Variants in MAST3 observed in about 807,000 individuals in gnomAD.
The protein encoded by MAST3 is microtubule-associated serine/threonine-protein kinase 3.
MAST3 carries 43 observed loss-of-function variants against 127.0 expected under a neutral mutation model. The ratio of observed to expected loss-of-function variants is 0.34; its 90% CI spans 0.27 to 0.44. The LOEUF is 0.44. Among genes scored for constraint, MAST3 ranks in the 20% least tolerant of loss-of-function variants. The pLI is 1.00. For missense variants in MAST3, 1,390 were observed against 1,919.1 expected, an observed-to-expected ratio of 0.72 and a Z score of 5.15; for synonymous variants, 785 against 809.2, an observed-to-expected ratio of 0.97 and a Z score of 0.51.
At chr19:18,119,971 C>T (rs947707560) in intron 3 of MAST3, among the ~76,000 whole-genome samples, 1 of 152,164 alleles carries the variant, frequency 6.6e-6, no homozygotes, top group Non-Finnish European at 1.5e-5. Context: ...GGCTGATGCT[C>T]TTGTGGAGCA....
chr19:18,125,098 C>A (rs1345193624), intron 11 of MAST3, among the ~76,000 whole-genome samples: 1 of 151,058 alleles, frequency 6.6e-6, no homozygotes, highest in African/African-American at 2.5e-5. Flanking sequence ...CAGAGCGAGA[C>A]CCTGTCTCAA....
intron 1 of MAST3, among the ~76,000 whole-genome samples, chr19:18,100,128 C>CTCCTTTTTTTTTTTTTTTTTTTTTTT (rs776661078): frequency 8.2e-6 from 1 of 121,720 alleles, no homozygotes; most frequent in Non-Finnish European, 1.8e-5. Flanking sequence ...CTCTCTCTCT[C>CTCCTTTTTTTTTTTTTTTTTTTTTTT]TTTTTTTTTT....
rs761697269 is a variant in MAST3 at position 18,141,984 on chromosome 19, G to A, written c.2308G>A (p.Asp770Asn). The A allele has an allele frequency of 1.2e-5, 18 of 1,527,676 alleles. No individual in the cohort carries two copies. The highest frequency in any genetic ancestry group is 1.9e-5 in the Admixed American group (1 of 52,488). 94.6% of individuals were successfully genotyped at this position (1,527,676 alleles called of 1,614,324 possible). A position where few individuals can be genotyped will look rare whatever the true frequency, so the allele number is the denominator to read the frequency against. The change falls in exon 21 of 28, where the codon GAC becomes AAC. Residue 770 changes from aspartate (D) to asparagine (N), a missense_variant. By Grantham distance (23) the Asp-to-Asn change is conservative. Coordinates refer to ENST00000687212, the MANE Select transcript of MAST3 (RefSeq NM_001393504.1). ...GGAGGGGTGGGAGCGCAGCGAAGTGGACTATGGCCGCCGGCTGAGTGCTGA... is the reference window on the plus strand; with the variant it reads ...GGAGGGGTGGGAGCGCAGCGAAGTGAACTATGGCCGCCGGCTGAGTGCTGA... ...REEGWERSEVDYGRRLSADIR... is the reference protein window; with the variant it reads ...REEGWERSEVNYGRRLSADIR...
chr19:18,143,488 C>T (rs1022205561), intron 21 of MAST3, among the ~76,000 whole-genome samples: 1 of 152,030 alleles, frequency 6.6e-6, no homozygotes, highest in Non-Finnish European at 1.5e-5. Flanking sequence ...AGGCAGGAGA[C>T]TCACTTGAGC....
In MAST3 at chr19:18,143,976, C is replaced by T; in HGVS notation, c.2553C>T (p.Thr851=). The change falls in exon 22 of 28, where the codon ACC becomes ACT. Residue 851 remains threonine, a synonymous_variant. Transcript: ENST00000687212. ...LGEPDPPPAA[T]PVMPKPSSLS... is the part of the protein sequence containing the mutation. ...AGCCTGACCCCCCACCAGCGGCCAC[C>T]CCAGTGATGCCCAAGCCCTCGAGCC... is the stretch of plus-strand genomic sequence containing the variant. 6.3e-7 allele frequency: 1 copy of T among 1,584,374 alleles called. No homozygotes were observed.
In MAST3 at chr19:18,132,029, G is replaced by T; in HGVS notation, c.1553G>T (p.Arg518Leu). The change falls in exon 15 of 28, where the codon CGT becomes CTT. Residue 518 changes from arginine (R) to leucine (L), a missense_variant. By Grantham distance (102) the Arg-to-Leu change is moderately radical. Transcript: ENST00000687212. ...CTGCATAACTATGGCATCGTGCACC[G>T]TGACCTCAAACCAGACAAGTGAGCT... ...EYLHNYGIVH[R>L]DLKPDNLLIT... The T allele has an allele frequency of 6.2e-7, 1 of 1,614,160 alleles. No individual in the cohort carries two copies. Among genetic ancestry groups the T allele is most frequent in the Non-Finnish European group, 8.5e-7 (1 of 1,180,028 alleles).
At chr19:18,100,185 C>T (rs2037472513) in intron 1 of MAST3, among the ~76,000 whole-genome samples, 2 of 146,680 alleles carry the variant, frequency 1.4e-5, no homozygotes, top group Non-Finnish European at 3.0e-5. Context: ...AGTCCAGTGG[C>T]GCAATCTCGG....
rs549905160 is a variant in MAST3 at position 18,118,009 on chromosome 19, G to T, written c.162-3676G>T. 2.3e-5 allele frequency: 15 copies of T among 644,782 alleles called. No homozygotes were observed. The Admixed American group carries it at 8.2e-4, about 35-fold the overall frequency. The allele number at this position is 644,782 out of a possible 1,614,324, so 39.9% of individuals were successfully genotyped here. A position where few individuals can be genotyped will look rare whatever the true frequency, so the allele number is the denominator to read the frequency against. On this transcript the variant is annotated intron_variant, in intron 3 of 27. Coordinates refer to ENST00000687212, the MANE Select transcript of MAST3 (RefSeq NM_001393504.1). ...CTCGCCTGGGCGGAGTTCCAGTCGC[G>T]CTCGGGGGCGCGCGCTTCCTTCTCG...
intron 15 of MAST3, among the ~76,000 whole-genome samples, chr19:18,132,490 G>A (rs2041429947): frequency 6.6e-6 from 1 of 152,196 alleles, no homozygotes; most frequent in Non-Finnish European, 1.5e-5. Flanking sequence ...TAAAGACAGT[G>A]ACCGTGCATG....
rs182225598 is a variant in MAST3 at position 18,141,908 on chromosome 19, C to T, written c.2232C>T (p.Ala744=). ...TCTACAGCAGCTCTGAGTTCCTGGC[C>T]GTCCAGCCCACTCCTACCTTCGCTG... ...SKVYSSSEFL[A]VQPTPTFAER... Residue 744 remains alanine (A), a synonymous_variant, in exon 21 of 28, where the codon GCC becomes GCT. Transcript: ENST00000687212. The T allele has an allele frequency of 8.0e-6, 12 of 1,506,916 alleles. No individual in the cohort carries two copies. Among genetic ancestry groups the T allele is most frequent in the African/African-American group, 5.6e-5 (4 of 71,360 alleles). The allele number at this position is 1,506,916 out of a possible 1,614,324, so 93.3% of individuals were successfully genotyped here.
In MAST3 at chr19:18,128,883, C is replaced by T. The variant is rs1428175139; in HGVS notation, c.1155C>T (p.Gly385=). 6.2e-7 allele frequency: 1 copy of T among 1,613,648 alleles called. No homozygotes were observed. Among genetic ancestry groups the T allele is most frequent in the Admixed American group, 1.7e-5 (1 of 60,002 alleles). The change falls in exon 13 of 28, where the codon GGC becomes GGT. Residue 385 remains glycine (G), a synonymous_variant. Transcript: ENST00000687212. The part of the protein sequence containing the change: ...PESPESRALV[G]QSRRKPCESD... ...TCCCCTAGAGCCGCGCCCTGGTCGG[C>T]CAGTCACGGAGGAAGCCATGCGAAA...
intron 5 of MAST3, 106 bp downstream of exon 5, chr19:18,122,028 C>T (rs2040041478): frequency 1.3e-6 from 2 of 1,520,124 alleles, no homozygotes; most frequent in Admixed American, 2.0e-5. Context: ...TTTCATTCAC[C>T]TTTTCCCCTC....
chr19:18,111,564 T>C (rs1033873260), intron 3 of MAST3, among the ~76,000 whole-genome samples: 1 of 135,144 alleles, frequency 7.4e-6, no homozygotes, highest in Non-Finnish European at 1.5e-5. Context: ...AGGCAGAGTC[T>C]TGTTCTGTCC....
intron 3 of MAST3, among the ~76,000 whole-genome samples, chr19:18,120,669 G>A (rs889746499): frequency 1.3e-5 from 2 of 152,030 alleles, no homozygotes; most frequent in African/African-American, 4.8e-5. Context: ...CTGAGTAGCT[G>A]GGATTATAAG....
At chr19:18,113,259 C>T (rs1357011431) in intron 3 of MAST3, among the ~76,000 whole-genome samples, 1 of 151,996 alleles carries the variant, frequency 6.6e-6, no homozygotes, top group African/African-American at 2.4e-5. Context: ...ATAAACGTCC[C>T]AACAGAGTCC....
At chr19:18,127,847 A>AGT (rs79278075) in intron 11 of MAST3, among the ~76,000 whole-genome samples, 11 of 151,858 alleles carry the variant, frequency 7.2e-5, no homozygotes, top group African/African-American at 2.4e-4. Flanking sequence ...TGACAGAGCG[A>AGT]GACTCCATGT....
intron 10 of MAST3, 97 bp from the exon 11 acceptor site, chr19:18,124,545 G>A (rs920222647): frequency 4.8e-6 from 7 of 1,463,926 alleles, no homozygotes; most frequent in South Asian, 1.3e-5. Flanking sequence ...GACCCAGTGG[G>A]TGAGCTGGGA....
At chr19:18,125,888 C>T (rs1033286146) in intron 11 of MAST3, among the ~76,000 whole-genome samples, 2 of 150,524 alleles carry the variant, frequency 1.3e-5, no homozygotes, top group African/African-American at 4.9e-5. Context: ...GCAGAAACTC[C>T]ATCTCTACTA....
At chr19:18,132,973 C>T (rs535852954) in intron 15 of MAST3, among the ~76,000 whole-genome samples, 5 of 152,212 alleles carry the variant, frequency 3.3e-5, no homozygotes, top group Middle Eastern at 3.4e-3. Flanking sequence ...AGTGGTAGCG[C>T]GCACTTGTAG....
Sources: gnomAD v4.1 joint callset for allele counts (sites outside exome capture counted in the v4.1 genomes callset) on GRCh38, gnomAD v4.1.1 for gene constraint, MANE v1.5 for transcripts, NCBI Gene and HGNC (gene_info 2026-07-23, HGNC 2026-07-21) for gene names.